Variants in IQCK observed in about 807,000 individuals in gnomAD.
The protein encoded by IQCK is IQ domain-containing protein K.
In IQCK, 29 loss-of-function variants were observed where a neutral mutation model predicts 28.1. The observed-to-expected ratio is 1.03, with a 90% CI of 0.77 to 1.41. The LOEUF is 1.41. Among genes scored for constraint, IQCK ranks in the 40% most tolerant of loss-of-function variants. The pLI is 0.00. For synonymous variants in IQCK, 113 were observed against 115.1 expected (o/e 0.98, Z 0.12); for missense variants, 359 against 314.7 (o/e 1.14, Z -1.07).
intron 4 of IQCK, among the ~76,000 whole-genome samples, chr16:19,758,202 A>G (rs991057420): frequency 6.6e-6 from 1 of 151,840 alleles, no homozygotes; most frequent in Non-Finnish European, 1.5e-5. Flanking sequence ...TTATTTCATC[A>G]CTCACCACAA....
At chr16:19,834,329 A>G (rs906150258) in intron 9 of IQCK, among the ~76,000 whole-genome samples, 3 of 152,160 alleles carry the variant, frequency 2.0e-5, no homozygotes, top group African/African-American at 7.2e-5. Flanking sequence ...CGGGGCTGGG[A>G]GGATACATGG....
At chr16:19,761,804 C>CAAGAACAGTGGTAATAAAACGA (rs758560958) in intron 4 of IQCK, 198 of 180,554 alleles carry the variant, frequency 1.1e-3, no homozygotes, top group Non-Finnish European at 1.7e-3. Context: ...ATTGAAAACT[C>CAAGAACAGTGGTAATAAAACGA]AAGAACAGTG....
intron 1 of IQCK, among the ~76,000 whole-genome samples, chr16:19,721,669 T>C (rs1030151715): frequency 1.9e-4 from 28 of 149,856 alleles, no homozygotes; most frequent in Non-Finnish European, 8.9e-5. Context: ...CACTGCAACC[T>C]CTGCCTCCCA....
At chr16:19,731,635 G>T (rs1414766027) in intron 2 of IQCK, among the ~76,000 whole-genome samples, 1 of 152,182 alleles carries the variant, frequency 6.6e-6, no homozygotes, top group East Asian at 1.9e-4. Flanking sequence ...CGTATAAAGA[G>T]ATTTGATTGT....
At chr16:19,822,300 T>C (rs150439532) in intron 7 of IQCK, among the ~76,000 whole-genome samples, 10,523 of 147,576 alleles carry the variant, frequency 0.071, 672 homozygotes, top group South Asian at 0.28. Context: ...GCAGGAGAAT[T>C]GCTTGAACCA....
chr16:19,815,850 T>A (rs1446170972), intron 7 of IQCK, among the ~76,000 whole-genome samples: 2 of 152,216 alleles, frequency 1.3e-5, no homozygotes, highest in Non-Finnish European at 2.9e-5. Context: ...TAATATAAGA[T>A]CATTGAAAAA....
In IQCK at chr16:19,856,588, T is replaced by A. The variant is rs772396893; in HGVS notation, c.*40T>A. 16 of 1,550,078 alleles carry A rather than the reference T, an allele frequency of 1.0e-5. No homozygotes were observed. The South Asian group carries it at 1.6e-4, about 15-fold the overall frequency. On this transcript the variant is annotated 3_prime_UTR_variant, in exon 10 of 10. Transcript: ENST00000320394. The stretch of plus-strand genomic sequence containing the variant: ...TATCTTTGCCCATTCGAGCACAAGT[T>A]ACCTTGTGCAAGGAAAATGTCCAAA...
Position 19,730,453 on chromosome 16 carries a change from T to C in IQCK, c.205T>C (p.Phe69Leu). ...AGAGTATGAAGCTGAGCAGCCTCCC[T>C]TTCCAGAAGGATATAAAGTCAAACA... The change falls in exon 2 of 8, where the codon TTT (phenylalanine) becomes CTT (leucine). Residue 69 changes from phenylalanine (F) to leucine (L), a missense_variant. By Grantham distance (22) the Phe-to-Leu change is conservative. Transcript: ENST00000564186. 3.7e-6 allele frequency: 6 copies of C among 1,609,608 alleles called. No homozygotes were observed. The highest frequency in any genetic ancestry group is 4.2e-6 in the Non-Finnish European group (5 of 1,177,906).
At chr16:19,840,094 G>T (rs763927669) in intron 9 of IQCK, among the ~76,000 whole-genome samples, 2 of 151,884 alleles carry the variant, frequency 1.3e-5, no homozygotes, top group African/African-American at 2.4e-5. Flanking sequence ...GATAAAGACC[G>T]CCTGTAATCT....
chr16:19,761,201 G>GTT (rs1251401243), intron 4 of IQCK: 1 of 344,156 alleles, frequency 2.9e-6, no homozygotes, highest in Non-Finnish European at 5.8e-6. Context: ...TCAAGATGGA[G>GTT]TTGCTCTGGT....
chr16:19,770,652 T>C (rs551020862), intron 6 of IQCK, among the ~76,000 whole-genome samples: 17 of 152,064 alleles, frequency 1.1e-4, no homozygotes, highest in Non-Finnish European at 2.1e-4. Context: ...TGACAGGGTC[T>C]AACTCTGTCA....
At position 19,750,004 on chromosome 16, in the gene IQCK, G is replaced by A. The variant is rs1346852710; in HGVS notation, c.475-13844G>A. The stretch of plus-strand genomic sequence containing the variant: ...GAATAGGGCCTCATTCCACCTCTTT[G>A]TAGATGCGTGACCCCAGACCTTGCT... On this transcript the variant is annotated intron_variant, in intron 4 of 7. Transcript: ENST00000564186. Among the ~76,000 whole-genome samples, 5 of 152,120 alleles carry A rather than the reference G, an allele frequency of 3.3e-5. No individual in the cohort carries two copies. The East Asian group carries it at 9.6e-4, about 29-fold the overall frequency.
At chr16:19,763,557 C>G (rs1296529108) in intron 4 of IQCK, among the ~76,000 whole-genome samples, 3 of 152,174 alleles carry the variant, frequency 2.0e-5, no homozygotes, top group Non-Finnish European at 4.4e-5. Context: ...ATTCTCCTGC[C>G]TCAGCCTCCT....
chr16:19,799,816 C>T (rs1251614370), intron 7 of IQCK, among the ~76,000 whole-genome samples: 1 of 40,670 alleles, frequency 2.5e-5, no homozygotes, highest in Non-Finnish European at 3.9e-5. Flanking sequence ...CTGCAGTGAG[C>T]TCTGATAATG....
chr16:19,855,511 C>T (rs761692077), intron 9 of IQCK, among the ~76,000 whole-genome samples: 13 of 152,104 alleles, frequency 8.5e-5, no homozygotes, highest in Admixed American at 2.6e-4. Flanking sequence ...CTTGAACCTG[C>T]GAGGCGGAGG....
intron 6 of IQCK, among the ~76,000 whole-genome samples, chr16:19,779,723 A>T (rs1039790297): frequency 1.4e-4 from 21 of 149,646 alleles, no homozygotes; most frequent in African/African-American, 3.4e-4. Context: ...TTATTTATTT[A>T]TTTATTTTTT....
intron 2 of IQCK, among the ~76,000 whole-genome samples, chr16:19,732,003 A>G (rs2151681598): frequency 6.6e-6 from 1 of 152,368 alleles, no homozygotes; most frequent in Non-Finnish European, 1.5e-5. Context: ...TCTCAAAGCC[A>G]GAGAACCTGG....
intron 7 of IQCK, among the ~76,000 whole-genome samples, chr16:19,818,640 G>A (rs1269597459): frequency 6.6e-6 from 1 of 152,058 alleles, no homozygotes; most frequent in Non-Finnish European, 1.5e-5. Flanking sequence ...TGATCTGCCC[G>A]CCTTGACCTC....
intron 4 of IQCK, among the ~76,000 whole-genome samples, chr16:19,759,021 G>A (rs2055093626): frequency 6.6e-6 from 1 of 152,142 alleles, no homozygotes; most frequent in African/African-American, 2.4e-5. Context: ...GTAAAATATT[G>A]TGGGAAGAAA....
Sources: gnomAD v4.1 joint callset for allele counts (sites outside exome capture counted in the v4.1 genomes callset) on GRCh38, gnomAD v4.1.1 for gene constraint, MANE v1.5 for transcripts, NCBI Gene and HGNC (gene_info 2026-07-23, HGNC 2026-07-21) for gene names.